SETX: variants seen among roughly 807,000 people sequenced by gnomAD.
SETX encodes the protein helicase senataxin.
In SETX, 90 loss-of-function variants were observed where a neutral mutation model predicts 227.2. The ratio of observed to expected loss-of-function variants is 0.40; its 90% confidence interval spans 0.33 to 0.47. SETX has a LOEUF of 0.47. SETX is among the 20% of genes least tolerant of loss of function. SETX has a pLI of 0.91. For synonymous variants in SETX, 1,210 were observed against 1,113.2 expected (o/e 1.09, Z -1.73); for missense variants, 3,052 against 3,181.5 (o/e 0.96, Z 0.98).
intron 10 of SETX, among the ~76,000 whole-genome samples, chr9:132,322,552 A>T (rs1846427941): frequency 6.6e-6 from 1 of 152,166 alleles, no homozygotes; most frequent in African/African-American, 2.4e-5. Flanking sequence ...ACAGATCTTC[A>T]CTTCTTTTTA....
In SETX at chr9:132,328,803, C is replaced by T; in HGVS notation, c.2795G>A (p.Ser932Asn). ...TCTTGTCAAGTTAGAATAAATCACA[C>T]TGGTACTATTACTCATCTCCTCATC... ...SRDEEMSNSTSVIYSNLTREQ... is the reference protein window; with the variant it reads ...SRDEEMSNSTNVIYSNLTREQ... Residue 932 changes from serine (S) to asparagine (N), a missense_variant, in exon 10 of 26, where the codon AGT becomes AAT. This residue lies in a region of SETX where 1,483 missense variants were observed against 1,312.0 expected (regional missense o/e 1.13). Coordinates refer to ENST00000224140, the MANE Select transcript of SETX (RefSeq NM_015046.7). 1 of 1,611,418 alleles carries T rather than the reference C, an allele frequency of 6.2e-7. No homozygotes were observed. The highest frequency in any genetic ancestry group is 1.3e-5 in the African/African-American group (1 of 74,900).
chr9:132,330,925 C>T, intron 9 of SETX, 127 bp downstream of exon 9: 3 of 766,778 alleles, frequency 3.9e-6, no homozygotes, highest in Non-Finnish European at 6.9e-6. Flanking sequence ...ATGAGAAGGG[C>T]TTTTACATAG....
At chr9:132,282,502 T>G (rs575506060) in intron 19 of SETX, among the ~76,000 whole-genome samples, 1 of 151,878 alleles carries the variant, frequency 6.6e-6, no homozygotes, top group Non-Finnish European at 1.5e-5. Flanking sequence ...GTTGCCCAGG[T>G]TGGTCTCAAA....
At chr9:132,292,668 C>CG (rs1844410395) in intron 15 of SETX, among the ~76,000 whole-genome samples, 1 of 136,032 alleles carries the variant, frequency 7.4e-6, no homozygotes, top group Non-Finnish European at 1.5e-5. Flanking sequence ...CTCGCTCTGT[C>CG]ACCCAGGCTG....
intron 20 of SETX, among the ~76,000 whole-genome samples, 180 bp from the exon 21 acceptor site, chr9:132,278,437 CTTTTT>C (rs67558000): frequency 5.9e-4 from 50 of 84,838 alleles, no homozygotes; most frequent in African/African-American, 1.4e-3. Flanking sequence ...TGCCATGAAT[CTTTTT>C]TTTTTTTTTT....
At chr9:132,343,591 T>C (rs974969413) in intron 4 of SETX, among the ~76,000 whole-genome samples, 1 of 152,236 alleles carries the variant, frequency 6.6e-6, no homozygotes, top group Non-Finnish European at 1.5e-5. Flanking sequence ...CAAAAAATAT[T>C]GTCGTTTTTT....
At chr9:132,272,483 AAAAG>A in intron 23 of SETX, among the ~76,000 whole-genome samples, 1 of 151,458 alleles carries the variant, frequency 6.6e-6, no homozygotes, top group East Asian at 1.9e-4. Context: ...CTTAAAAAAA[AAAAG>A]AGAGAGAGAG....
In SETX at chr9:132,326,527, G is replaced by A. The variant is rs756770572; in HGVS notation, c.5071C>T (p.Leu1691Phe). 1.2e-6 allele frequency: 2 copies of A among 1,614,156 alleles called. No homozygotes were observed. Among genetic ancestry groups the A allele is most frequent in the East Asian group, 4.5e-5 (2 of 44,888 alleles). Residue 1691 changes from leucine (L) to phenylalanine (F), a missense_variant, in exon 10 of 26, where the codon CTT (leucine) becomes TTT (phenylalanine). By Grantham distance (22) the Leu-to-Phe change is conservative. Coordinates refer to ENST00000224140, the MANE Select transcript of SETX (RefSeq NM_015046.7). The part of the protein sequence containing the change: ...YFPSSSPVNI[L>F]LSSQSVSDTF... Reference sequence around the variant, plus strand: ...TCAGAGACAGACTGTGATGACAAAAGAATGTTTACTGGAGAGGAAGATGGA... The same window carrying A: ...TCAGAGACAGACTGTGATGACAAAAAAATGTTTACTGGAGAGGAAGATGGA...
In SETX at chr9:132,285,517, C is replaced by T. The variant is rs553772354; in HGVS notation, c.6396+906G>A. Among the ~76,000 whole-genome samples, 6 of 150,422 alleles carry T rather than the reference C, an allele frequency of 4.0e-5. No individual in the cohort carries two copies. The South Asian group carries it at 6.4e-4, about 16-fold the overall frequency. ...ATGCCAACACTTTGGGAGGCCGAGA[C>T]GGGGGATGACTTGAGGTTGGACGTT... is the stretch of plus-strand genomic sequence containing the variant. On this transcript the variant is annotated intron_variant, in intron 18 of 25. Coordinates refer to ENST00000224140, the MANE Select transcript of SETX (RefSeq NM_015046.7).
At position 132,328,502 on chromosome 9, in the gene SETX, T is replaced by A. The variant is rs1846998334; in HGVS notation, c.3096A>T (p.Lys1032Asn). 1.2e-6 allele frequency: 2 copies of A among 1,613,802 alleles called. No individual in the cohort carries two copies. Among genetic ancestry groups the A allele is most frequent in the Admixed American group, 1.7e-5 (1 of 60,002 alleles). The part of the protein sequence containing the change: ...DDDERILSLE[K>N]LTKQDKICLE... ...GGCATATTTTGTCCTGTTTAGTGAG[T>A]TTCTCAAGACTCAGGATTCTTTCAT... The change falls in exon 10 of 26, where the codon AAA (lysine) becomes AAT (asparagine). Residue 1032 changes from lysine to asparagine, a missense_variant. Physicochemically the swap from Lys to Asn is moderately conservative, Grantham distance 94. Coordinates refer to ENST00000224140, the MANE Select transcript of SETX (RefSeq NM_015046.7).
At chr9:132,272,346 G>A (rs902292573) in intron 23 of SETX, among the ~76,000 whole-genome samples, 24 of 151,958 alleles carry the variant, frequency 1.6e-4, no homozygotes, top group Non-Finnish European at 2.9e-4. Context: ...ATGGGGTCTT[G>A]CCATGTTGCC....
At chr9:132,333,180 AC>A (rs1212303732) in intron 7 of SETX, among the ~76,000 whole-genome samples, 1 of 151,264 alleles carries the variant, frequency 6.6e-6, no homozygotes. Flanking sequence ...GGAGTTCAAG[AC>A]CAGCCTGGAA....
intron 6 of SETX, among the ~76,000 whole-genome samples, chr9:132,335,603 A>G (rs1330376654): frequency 6.6e-6 from 1 of 151,834 alleles, no homozygotes; most frequent in Non-Finnish European, 1.5e-5. Flanking sequence ...TCAGCCTCCC[A>G]AGATGCTGGG....
rs113831637 is a variant in SETX at position 132,328,288 on chromosome 9, G to C, written c.3310C>G (p.Gln1104Glu). Residue 1104 changes from glutamine (Q) to glutamate (E), a missense_variant, in exon 10 of 26, where the codon CAA (glutamine) becomes GAA (glutamate). By Grantham distance (29) the Gln-to-Glu change is conservative. Around this residue, in one of 10 missense-constraint regions of SETX, gnomAD observed 1,483 missense variants for 1,312.0 expected, o/e 1.13. Transcript: ENST00000224140. ...GCCAAACATTTTTTCTCACCATCTTGAACTGAATTATTATCGTCTGGATGA... is the reference window on the plus strand; with the variant it reads ...GCCAAACATTTTTTCTCACCATCTTCAACTGAATTATTATCGTCTGGATGA... ...QDHPDDNNSV[Q>E]DGEKKCLAPI... 526 of 1,613,948 alleles carry C rather than the reference G, an allele frequency of 3.3e-4. 4 individuals carry two copies. In the African/African-American group the frequency reaches 5.9e-3, roughly 18 times the overall value.
chr9:132,329,974 G>A lies in SETX; in HGVS notation c.1624C>T (p.Leu542Phe). The A allele has an allele frequency of 6.2e-7, 1 of 1,614,146 alleles. No homozygotes were observed. The highest frequency in any genetic ancestry group is 8.5e-7 in the Non-Finnish European group (1 of 1,179,974). The change falls in exon 10 of 26, where the codon CTC becomes TTC. Residue 542 changes from leucine to phenylalanine, a missense_variant. By Grantham distance (22) the Leu-to-Phe change is conservative. This residue lies in a region of SETX where 179 missense variants were observed against 197.1 expected (regional missense o/e 0.91). Coordinates refer to ENST00000224140, the MANE Select transcript of SETX (RefSeq NM_015046.7). ...CCAAGCTGATAACCTTCTTTAAGGA[G>A]ACTTCTAATCAGCTGCACATAAGCA... Reference protein sequence around the residue: ...QLAYVQLIRSLLKEGYQLGQQ... With the variant: ...QLAYVQLIRSFLKEGYQLGQQ...
At chr9:132,284,931 T>A (rs113928602) in intron 18 of SETX, among the ~76,000 whole-genome samples, 6 of 151,056 alleles carry the variant, frequency 4.0e-5, no homozygotes, top group Non-Finnish European at 8.9e-5. Flanking sequence ...CAGGCTGGAG[T>A]GCAGTGGCGC....
chr9:132,317,368 T>C (rs1846034382), intron 10 of SETX, among the ~76,000 whole-genome samples: 2 of 152,318 alleles, frequency 1.3e-5, no homozygotes, highest in Middle Eastern at 3.4e-3. Flanking sequence ...CATTGCTCCA[T>C]TTTTGTCATT....
chr9:132,294,720 T>A (rs1177402683), intron 15 of SETX, among the ~76,000 whole-genome samples: 6 of 152,174 alleles, frequency 3.9e-5, no homozygotes, highest in Admixed American at 2.0e-4. Context: ...CCCTTCTTCA[T>A]CTTTTCCTCA....
At chr9:132,302,830 A>C (rs1845092127) in intron 11 of SETX, among the ~76,000 whole-genome samples, 1 of 152,102 alleles carries the variant, frequency 6.6e-6, no homozygotes, top group South Asian at 2.1e-4. Flanking sequence ...CAACAATAAG[A>C]GACTGTGGTA....
Sources: gnomAD v4.1 joint callset for allele counts (sites outside exome capture counted in the v4.1 genomes callset) on GRCh38, gnomAD v4.1.1 for gene constraint, gnomAD v4.1.1 regional missense constraint, MANE v1.5 for transcripts, NCBI Gene and HGNC (gene_info 2026-07-23, HGNC 2026-07-21) for gene names.